Variants in HEATR5B observed in about 807,000 individuals in gnomAD.
HEATR5B encodes HEAT repeat containing 5B.
Under a neutral mutation model 224.1 loss-of-function variants are expected in HEATR5B, and 156 were observed. The observed-to-expected ratio is 0.70, with a 90% CI of 0.61 to 0.80. The LOEUF is 0.80. HEATR5B is among the 30% of genes least tolerant of loss of function. HEATR5B has a pLI of 0.00. For synonymous variants in HEATR5B, 1,027 were observed against 893.0 expected, an observed-to-expected ratio of 1.15 and a Z score of -2.68; for missense variants, 2,323 against 2,535.5, an observed-to-expected ratio of 0.92 and a Z score of 1.80.
At chr2:36,992,855 G>C (rs1438366046) in intron 33 of HEATR5B, among the ~76,000 whole-genome samples, 1 of 151,992 alleles carries the variant, frequency 6.6e-6, no homozygotes, top group Non-Finnish European at 1.5e-5. Context: ...CGCCCGAGGA[G>C]GTGGGACTAC....
chr2:37,069,273 G>C (rs1346495367), intron 7 of HEATR5B, among the ~76,000 whole-genome samples: 1 of 152,096 alleles, frequency 6.6e-6, no homozygotes, highest in Non-Finnish European at 1.5e-5. Context: ...CTGACTTAGA[G>C]CTATAAAACC....
intron 35 of HEATR5B, among the ~76,000 whole-genome samples, chr2:36,987,570 G>C (rs2148325231): frequency 6.6e-6 from 1 of 152,142 alleles, no homozygotes; most frequent in South Asian, 2.1e-4. Context: ...CAAAGCTTAA[G>C]TATTAAGGGA....
In HEATR5B at chr2:37,079,298, C is replaced by T. The variant is rs1359896793; in HGVS notation, c.160G>A (p.Glu54Lys). ...CTACTTATTAATCCAGTTAATTGTTCAACAAGTTTTTTCTGTTTTTCCTTT... is the reference window on the plus strand; with the variant it reads ...CTACTTATTAATCCAGTTAATTGTTTAACAAGTTTTTTCTGTTTTTCCTTT... Reference protein sequence around the residue: ...DVKEKQKKLVEQLTGLISSSP... With the variant: ...DVKEKQKKLVKQLTGLISSSP... Residue 54 changes from glutamate (E) to lysine (K), a missense_variant, in exon 3 of 36, where the codon GAA becomes AAA. Coordinates refer to ENST00000233099, the MANE Select transcript of HEATR5B (RefSeq NM_019024.3). 11 of 1,608,918 alleles carry T rather than the reference C, an allele frequency of 6.8e-6. No individual in the cohort carries two copies. The highest frequency in any genetic ancestry group is 8.5e-6 in the Non-Finnish European group (10 of 1,178,322).
At chr2:37,000,927 G>C (rs1667051946) in intron 32 of HEATR5B, 114 bp from the exon 33 acceptor site, 1 of 676,836 alleles carries the variant, frequency 1.5e-6, no homozygotes, top group African/African-American at 1.8e-5. Flanking sequence ...TTTTTTCCTT[G>C]TCTTTATACA....
At chr2:36,982,915 TA>T in intron 35 of HEATR5B, among the ~76,000 whole-genome samples, 1 of 92,910 alleles carries the variant, frequency 1.1e-5, no homozygotes, top group East Asian at 4.3e-4. Flanking sequence ...CACACACGTA[TA>T]GGGGACGAGA....
At position 37,028,808 on chromosome 2, in the gene HEATR5B, G is replaced by C. The variant is rs1668939801; in HGVS notation, c.3474C>G (p.Asp1158Glu). Residue 1158 changes from aspartate (D) to glutamate (E), a missense_variant, in exon 23 of 36, where the codon GAC becomes GAG. Asp to Glu is a conservative substitution (Grantham distance 45). Coordinates refer to ENST00000233099, the MANE Select transcript of HEATR5B (RefSeq NM_019024.3). ...GLEGLLFGML[D>E]RETDRKLCSD... ...AACATAATTTTCGATCTGTCTCCCG[G>C]TCTAGCATTCCAAAAAGAAGTCCCT... The C allele has an allele frequency of 1.2e-6, 2 of 1,613,906 alleles. No homozygotes were observed. The highest frequency in any genetic ancestry group is 2.7e-5 in the African/African-American group (2 of 74,854).
chr2:37,054,775 G>A (rs1001738337), intron 16 of HEATR5B, among the ~76,000 whole-genome samples: 37 of 152,108 alleles, frequency 2.4e-4, no homozygotes, highest in African/African-American at 8.4e-4. Flanking sequence ...GAGCCACAAC[G>A]CCCGGCCCAT....
chr2:37,081,103 ATC>A (rs1456339278), intron 2 of HEATR5B, among the ~76,000 whole-genome samples: 2 of 152,234 alleles, frequency 1.3e-5, no homozygotes, highest in Non-Finnish European at 2.9e-5. Flanking sequence ...GTTCTGGGCA[ATC>A]TGTCATCAGT....
intron 33 of HEATR5B, among the ~76,000 whole-genome samples, chr2:36,997,941 T>C (rs1666838926): frequency 6.6e-6 from 1 of 152,236 alleles, no homozygotes; most frequent in Admixed American, 6.5e-5. Context: ...TATGTTATTA[T>C]TTTATCTGGT....
At chr2:37,082,926 A>C (rs1672699438) in intron 2 of HEATR5B, among the ~76,000 whole-genome samples, 1 of 133,118 alleles carries the variant, frequency 7.5e-6, no homozygotes, top group Admixed American at 7.9e-5. Context: ...AAACAGATTA[A>C]AAAAAAAAAA....
intron 22 of HEATR5B, among the ~76,000 whole-genome samples, chr2:37,029,340 G>C (rs79001635): frequency 6.4e-4 from 98 of 152,334 alleles, no homozygotes; most frequent in African/African-American, 2.2e-3. Context: ...ACTCTAAGTG[G>C]ATTGCATCCT....
chr2:37,075,060 A>C (rs888653625), intron 5 of HEATR5B, among the ~76,000 whole-genome samples: 1 of 152,244 alleles, frequency 6.6e-6, no homozygotes, highest in African/African-American at 2.4e-5. Context: ...TTCCATCCCT[A>C]GGTTATTTGC....
chr2:37,052,031 C>T (rs920603771), intron 17 of HEATR5B, among the ~76,000 whole-genome samples: 2 of 152,206 alleles, frequency 1.3e-5, no homozygotes, highest in South Asian at 2.1e-4. Flanking sequence ...TAAGCCACCA[C>T]GCCCAGCCCC....
intron 35 of HEATR5B, among the ~76,000 whole-genome samples, chr2:36,984,243 T>C (rs1217395238): frequency 2.4e-5 from 3 of 123,064 alleles, no homozygotes; most frequent in Non-Finnish European, 5.1e-5. Context: ...TATATAAAAC[T>C]GGAAAAAATA....
chr2:37,016,648 A>G (rs1449188805), intron 26 of HEATR5B, among the ~76,000 whole-genome samples: 3 of 152,244 alleles, frequency 2.0e-5, no homozygotes, highest in African/African-American at 7.2e-5. Context: ...GAGCCAAATT[A>G]GTACAAGTCA....
chr2:37,013,250 T>A (rs559381692), intron 27 of HEATR5B, among the ~76,000 whole-genome samples: 3 of 152,214 alleles, frequency 2.0e-5, no homozygotes, highest in Admixed American at 1.3e-4. Context: ...AGGAAGGAAT[T>A]AGTTACTTCA....
chr2:37,055,982 C>T (rs183418072), intron 16 of HEATR5B, among the ~76,000 whole-genome samples: 46 of 152,264 alleles, frequency 3.0e-4, no homozygotes, highest in African/African-American at 1.1e-3. Context: ...AGACTTGAAC[C>T]ATCTCACAAA....
intron 21 of HEATR5B, among the ~76,000 whole-genome samples, chr2:37,036,975 C>T (rs1669520023): frequency 6.6e-6 from 1 of 151,320 alleles, no homozygotes; most frequent in South Asian, 2.1e-4. Flanking sequence ...TTGATCTTGT[C>T]TCACCCACAA....
At chr2:37,015,105 G>A (rs1668033958) in intron 26 of HEATR5B, among the ~76,000 whole-genome samples, 1 of 152,210 alleles carries the variant, frequency 6.6e-6, no homozygotes, top group Non-Finnish European at 1.5e-5. Flanking sequence ...AAACAGACAA[G>A]GGAAAGATTA....
Sources: gnomAD v4.1 joint callset for allele counts (sites outside exome capture counted in the v4.1 genomes callset) on GRCh38, gnomAD v4.1.1 for gene constraint, MANE v1.5 for transcripts, NCBI Gene and HGNC (gene_info 2026-07-23, HGNC 2026-07-21) for gene names.